Variants in PRKCE observed in about 807,000 individuals in gnomAD.
PRKCE encodes the protein protein kinase C epsilon.
Under a neutral mutation model 85.4 loss-of-function variants are expected in PRKCE, and 16 were observed. The observed-to-expected ratio is 0.19, with a 90% confidence interval of 0.13 to 0.28. The LOEUF (loss-of-function observed/expected upper bound fraction) is 0.28, where lower values mean the gene tolerates loss of function less well. Among genes scored for constraint, PRKCE ranks in the 10% least tolerant of loss-of-function variants. The pLI, the probability that PRKCE is intolerant of heterozygous loss-of-function variation, is 1.00. For missense variants in PRKCE, 573 were observed against 975.2 expected (o/e 0.59, Z 5.49); for synonymous variants, 388 against 371.5 (o/e 1.04, Z -0.51).
intron 1 of PRKCE, among the ~76,000 whole-genome samples, chr2:45,810,059 A>G (rs1688545009): frequency 6.9e-6 from 1 of 144,688 alleles, no homozygotes; most frequent in African/African-American, 2.5e-5. Flanking sequence ...ACTTTTTTTG[A>G]GATGAAGTCT....
At chr2:45,868,477 C>T (rs1446064781) in intron 2 of PRKCE, among the ~76,000 whole-genome samples, 1 of 151,284 alleles carries the variant, frequency 6.6e-6, no homozygotes, top group South Asian at 2.1e-4. Flanking sequence ...GCACCTGCCA[C>T]CACGCCTGGC....
chr2:46,092,735 C>T (rs931400665), intron 11 of PRKCE, among the ~76,000 whole-genome samples: 2 of 152,088 alleles, frequency 1.3e-5, no homozygotes, highest in African/African-American at 4.8e-5. Flanking sequence ...CAAACCAGGC[C>T]TCCGTATGGA....
chr2:45,787,439 T>C (rs149866664), intron 1 of PRKCE, among the ~76,000 whole-genome samples: 137 of 152,252 alleles, frequency 9.0e-4, no homozygotes, highest in South Asian at 7.1e-3. Context: ...CTCTGGGCAA[T>C]GCTGGCCACA....
At chr2:46,175,215 T>A (rs755604636) in intron 14 of PRKCE, among the ~76,000 whole-genome samples, 19 of 152,180 alleles carry the variant, frequency 1.2e-4, no homozygotes, top group Non-Finnish European at 2.4e-4. Context: ...AATGTTCTTT[T>A]GGGTGGGTCA....
chr2:46,004,296 C>A lies in PRKCE; in HGVS notation c.967-246C>A. On this transcript the variant is annotated intron_variant, in intron 7 of 14. Transcript: ENST00000306156. This position sits in a 1 kb window ranked among gnomAD's most constrained non-coding sequence, Gnocchi z 4.1. Reference sequence around the variant, plus strand: ...TTTGGAATGAGGGGAAGACATCATCCTTCTGTGAATGTAGGGAAGGTGCAC... The same window carrying A: ...TTTGGAATGAGGGGAAGACATCATCATTCTGTGAATGTAGGGAAGGTGCAC... 1 of 441,218 alleles carries A rather than the reference C, an allele frequency of 2.3e-6. No individual in the cohort carries two copies. The highest frequency in any genetic ancestry group is 2.0e-5 in the African/African-American group (1 of 50,032). The allele number at this position is 441,218 out of a possible 1,614,324, so 27.3% of individuals were successfully genotyped here. A position where few individuals can be genotyped will look rare whatever the true frequency, so the allele number is the denominator to read the frequency against.
chr2:45,924,390 G>C (rs1698465412), intron 2 of PRKCE, among the ~76,000 whole-genome samples: 1 of 152,202 alleles, frequency 6.6e-6, no homozygotes, highest in Admixed American at 6.5e-5. Flanking sequence ...ATGAAGGATG[G>C]AGGCAGAGGA....
At chr2:46,042,082 C>G (rs1708245835) in intron 10 of PRKCE, among the ~76,000 whole-genome samples, 1 of 152,122 alleles carries the variant, frequency 6.6e-6, no homozygotes, top group South Asian at 2.1e-4. Flanking sequence ...GATTACCAGC[C>G]AAGTTAATAT....
chr2:46,036,550 A>G (rs1008577436), intron 10 of PRKCE, among the ~76,000 whole-genome samples: 8 of 152,298 alleles, frequency 5.3e-5, no homozygotes, highest in African/African-American at 1.9e-4. Context: ...TGATCGCGCC[A>G]CTGCACTCCA....
intron 10 of PRKCE, among the ~76,000 whole-genome samples, chr2:46,028,867 A>G (rs934734703): frequency 6.6e-6 from 1 of 152,038 alleles, no homozygotes; most frequent in African/African-American, 2.4e-5. Flanking sequence ...GTGTCCATGT[A>G]TGCTCATCAT....
At chr2:45,788,745 C>A (rs1686811635) in intron 1 of PRKCE, among the ~76,000 whole-genome samples, 1 of 152,158 alleles carries the variant, frequency 6.6e-6, no homozygotes, top group African/African-American at 2.4e-5. Context: ...ATTCAGATGC[C>A]TTTATTACTT....
At chr2:46,052,600 C>A (rs1020640850) in intron 10 of PRKCE, among the ~76,000 whole-genome samples, 3 of 152,166 alleles carry the variant, frequency 2.0e-5, no homozygotes, top group Non-Finnish European at 2.9e-5. Context: ...AATGCAGTCC[C>A]TAGTAAAATC....
intron 10 of PRKCE, among the ~76,000 whole-genome samples, chr2:46,083,822 A>C (rs998826004): frequency 6.6e-6 from 1 of 152,214 alleles, no homozygotes; most frequent in Non-Finnish European, 1.5e-5. Context: ...TGTTCTTGGA[A>C]GGAATCCTTG....
At chr2:45,904,349 A>G (rs1352526321) in intron 2 of PRKCE, among the ~76,000 whole-genome samples, 3 of 151,998 alleles carry the variant, frequency 2.0e-5, no homozygotes, top group Non-Finnish European at 1.5e-5. Flanking sequence ...GCTGAACACT[A>G]TGGGGGTGGC....
chr2:45,671,653 C>T (rs1484358691), intron 1 of PRKCE, among the ~76,000 whole-genome samples: 2 of 152,172 alleles, frequency 1.3e-5, no homozygotes, highest in East Asian at 1.9e-4. Flanking sequence ...GTTCGTAGAC[C>T]ATTTTACCTC....
At chr2:46,015,478 G>A (rs916933445) in intron 10 of PRKCE, among the ~76,000 whole-genome samples, 3 of 152,100 alleles carry the variant, frequency 2.0e-5, no homozygotes. Context: ...GGAAACAAAG[G>A]GTGAACTAGA....
intron 12 of PRKCE, among the ~76,000 whole-genome samples, chr2:46,147,504 C>CTCACAATGAACAACTCTGATCTCTGT: frequency 6.6e-6 from 1 of 152,356 alleles, no homozygotes; most frequent in Non-Finnish European, 1.5e-5. Flanking sequence ...ATTGGTGAGA[C>CTCACAATGAACAACTCTGATCTCTGT]TCACAATGAA....
chr2:46,042,058 A>G (rs987291494), intron 10 of PRKCE, among the ~76,000 whole-genome samples: 3 of 152,254 alleles, frequency 2.0e-5, no homozygotes, highest in Non-Finnish European at 4.4e-5. Context: ...TGAACTCCAA[A>G]TACTGACTAC....
rs1427132800 is a variant in PRKCE, at chr2:45,971,235, C to T, written c.413-5194C>T. 2.0e-5 allele frequency among the ~76,000 whole-genome samples: 3 copies of T among 152,126 alleles called. 1 individual carries two copies. The highest frequency in any genetic ancestry group is 4.4e-5 in the Non-Finnish European group (3 of 68,026). ...TCTCTTGCTTCTATGAGTTCAACCACGTTAGATTCCTCATATAAGTGGTAT... is the reference window on the plus strand; with the variant it reads ...TCTCTTGCTTCTATGAGTTCAACCATGTTAGATTCCTCATATAAGTGGTAT... On this transcript the variant is annotated intron_variant, in intron 2 of 14. Coordinates refer to ENST00000306156, the MANE Select transcript of PRKCE (RefSeq NM_005400.3).
chr2:46,161,375 T>C (rs1348127603), intron 14 of PRKCE, among the ~76,000 whole-genome samples: 1 of 152,188 alleles, frequency 6.6e-6, no homozygotes, highest in African/African-American at 2.4e-5. Flanking sequence ...AAAGAAAAAT[T>C]AGAAGTAGTG....
Sources: gnomAD v4.1 joint callset for allele counts (sites outside exome capture counted in the v4.1 genomes callset) on GRCh38, gnomAD v4.1.1 for gene constraint, Gnocchi (gnomAD v3.1) non-coding constraint, MANE v1.5 for transcripts, NCBI Gene and HGNC (gene_info 2026-07-23, HGNC 2026-07-21) for gene names.